Variants in MYH13 observed in about 807,000 individuals in gnomAD.
MYH13 encodes myosin-13.
MYH13 carries 177 observed loss-of-function variants against 232.1 expected under a neutral mutation model. The ratio of observed to expected loss-of-function variants is 0.76; its 90% confidence interval spans 0.67 to 0.86. The LOEUF (loss-of-function observed/expected upper bound fraction) is 0.86. Among genes scored for constraint, MYH13 ranks in the 40% least tolerant of loss-of-function variants. The pLI is 0.00. For synonymous variants in MYH13, 884 were observed against 923.5 expected (o/e 0.96, Z 0.78); for missense variants, 2,246 against 2,405.9 (o/e 0.93, Z 1.39).
At position 10,315,802 on chromosome 17, in the gene MYH13, C is replaced by A; in HGVS notation, c.3875G>T (p.Ser1292Ile). Residue 1292 changes from serine (S) to isoleucine (I), a missense_variant, in exon 29 of 41, where the codon AGC becomes ATC. Coordinates refer to ENST00000252172, the MANE Select transcript of MYH13 (RefSeq NM_003802.3). ...ARLQTQNGELSHRVEEKESLI... is the reference protein window; with the variant it reads ...ARLQTQNGELIHRVEEKESLI... ...AGACTCCTTCTCTTCCACTCGGTGG[C>A]TCAGCTCCCCTACCAAACAGATGTG... 1 of 1,613,988 alleles carries A rather than the reference C, an allele frequency of 6.2e-7. No individual in the cohort carries two copies. Among genetic ancestry groups the A allele is most frequent in the Non-Finnish European group, 8.5e-7 (1 of 1,179,906 alleles).
chr17:10,354,613 A>C (rs1476070781), intron 11 of MYH13, 67 bp downstream of exon 11: 1 of 1,416,840 alleles, frequency 7.1e-7, no homozygotes, highest in East Asian at 2.3e-5. Context: ...TTAGCTCACT[A>C]ACGTGTCTCT....
intron 12 of MYH13, among the ~76,000 whole-genome samples, chr17:10,348,011 C>T (rs2071680346): frequency 6.6e-6 from 1 of 151,964 alleles, no homozygotes; most frequent in Non-Finnish European, 1.5e-5. Flanking sequence ...TTGCCCAGCC[C>T]CCAGGGATAA....
intron 16 of MYH13, among the ~76,000 whole-genome samples, chr17:10,342,558 G>A (rs762185701): frequency 1.2e-4 from 18 of 152,158 alleles, no homozygotes; most frequent in Middle Eastern, 3.4e-3. Context: ...AAAGTTCATC[G>A]GCTGATGAAT....
intron 5 of MYH13, among the ~76,000 whole-genome samples, chr17:10,360,975 C>T (rs1182936951): frequency 6.6e-6 from 1 of 152,170 alleles, no homozygotes; most frequent in Non-Finnish European, 1.5e-5. Context: ...GCCAGATTCT[C>T]TCTCAGCGTC....
chr17:10,336,013 G>A (rs1291211202), intron 18 of MYH13, among the ~76,000 whole-genome samples: 5 of 152,148 alleles, frequency 3.3e-5, no homozygotes, highest in Admixed American at 6.5e-5. Context: ...GGTCGTGTCC[G>A]ACTTGGACTG....
At position 10,301,574 on chromosome 17, in the gene MYH13, T is replaced by A; in HGVS notation, c.5797A>T (p.Ser1933Cys). ...TCTCAGGTACCTGCTCTTACCTGGC[T>A]GCCCACGTCTCGGCTCTTGGCCCTC... The part of the protein sequence containing the change: ...KLRAKSRDVG[S>C]QKMEE The change falls in exon 40 of 41, where the codon AGC becomes TGC. Residue 1933 changes from serine to cysteine, a missense_variant. Physicochemically the swap from Ser to Cys is moderately radical, Grantham distance 112. Transcript: ENST00000252172. 6.2e-7 allele frequency: 1 copy of A among 1,614,196 alleles called. No individual in the cohort carries two copies. Among genetic ancestry groups the A allele is most frequent in the Non-Finnish European group, 8.5e-7 (1 of 1,180,028 alleles).
intron 39 of MYH13, 107 bp from the exon 40 acceptor site, chr17:10,301,810 T>C (rs1469809915): frequency 1.4e-6 from 2 of 1,419,820 alleles, no homozygotes; most frequent in Non-Finnish European, 1.9e-6. Flanking sequence ...GGGCCCTGGA[T>C]TCCCTGATGG....
chr17:10,333,778 C>A (rs946134002), intron 18 of MYH13, among the ~76,000 whole-genome samples: 3 of 152,032 alleles, frequency 2.0e-5, no homozygotes, highest in African/African-American at 7.2e-5. Context: ...TGTGGTGGCA[C>A]ACACTTGTAA....
In MYH13 at chr17:10,327,967, T is replaced by G; in HGVS notation, c.2590A>C (p.Lys864Gln). The G allele has an allele frequency of 6.2e-7, 1 of 1,614,134 alleles. No homozygotes were observed. Residue 864 changes from lysine (K) to glutamine (Q), a missense_variant, in exon 22 of 41, where the codon AAG becomes CAG. By Grantham distance (53) the Lys-to-Gln change is moderately conservative. Coordinates refer to ENST00000252172, the MANE Select transcript of MYH13 (RefSeq NM_003802.3). Reference protein sequence around the residue: ...ATMKEDFERTKEELARSEARR... With the variant: ...ATMKEDFERTQEELARSEARR... The stretch of plus-strand genomic sequence containing the variant: ...GCCTCAGATCGGGCCAGTTCTTCCT[T>G]GGTCCTCTCAAAGTCTTCCTTCATG...
chr17:10,352,388 A>G (rs2071716773), intron 11 of MYH13, among the ~76,000 whole-genome samples: 1 of 152,118 alleles, frequency 6.6e-6, no homozygotes, highest in East Asian at 1.9e-4. Context: ...CTAGGAGTTC[A>G]AGACCAGCCT....
intron 27 of MYH13, among the ~76,000 whole-genome samples, chr17:10,318,164 C>T (rs112737390): frequency 4.6e-5 from 7 of 152,312 alleles, no homozygotes; most frequent in African/African-American, 1.4e-4. Flanking sequence ...ATTGCTTGAA[C>T]CTGGGAGGTA....
chr17:10,357,813 A>G lies in MYH13; in HGVS notation c.660T>C (p.Asp220=). 1 of 1,613,688 alleles carries G rather than the reference A, an allele frequency of 6.2e-7. No individual in the cohort carries two copies. ...GCAGTGGGTTGGCCTGGATGATCTG[A>G]TCCTCTAGGGTTCCCTAATAATAAA... ...QPGKMQGTLE[D]QIIQANPLLE... The change falls in exon 8 of 41, where the codon GAT becomes GAC. Residue 220 remains aspartate, a synonymous_variant. Coordinates refer to ENST00000252172, the MANE Select transcript of MYH13 (RefSeq NM_003802.3).
Position 10,304,872 on chromosome 17 carries a change from G to A in MYH13, c.5467-1374C>T, listed in dbSNP as rs376392156. On this transcript the variant is annotated intron_variant, in intron 37 of 40. Coordinates refer to ENST00000252172, the MANE Select transcript of MYH13 (RefSeq NM_003802.3). This position sits in a 1 kb window ranked among gnomAD's most constrained non-coding sequence, Gnocchi z 5.3. ...CTGAGGACATAAGTCACCAACTGTG[G>A]TCCCAACTCCACAATCCAGAGATTG... 4.6e-5 allele frequency among the ~76,000 whole-genome samples: 7 copies of A among 152,316 alleles called. No individual in the cohort carries two copies. The highest frequency in any genetic ancestry group is 2.1e-4 in the South Asian group (1 of 4,824).
rs747686849 is a variant in MYH13, at chr17:10,340,245, A to G, written c.1969-8T>C. On this transcript the variant is annotated splice_region_variant and splice_polypyrimidine_tract_variant and intron_variant, in intron 17 of 40. Transcript: ENST00000252172. Reference sequence around the variant, plus strand: ...CAATTTGTTTAAATTTTCCTGGGACATAAACCAAAACAAGCACATTTAGCA... The same window carrying G: ...CAATTTGTTTAAATTTTCCTGGGACGTAAACCAAAACAAGCACATTTAGCA... The G allele has an allele frequency of 1.7e-5, 27 of 1,613,822 alleles. No individual in the cohort carries two copies. Among genetic ancestry groups the G allele is most frequent in the Non-Finnish European group, 2.2e-5 (26 of 1,179,810 alleles).
chr17:10,360,225 A>T lies in MYH13; in HGVS notation c.506-37T>A, dbSNP rs780629960. 6 of 1,602,932 alleles carry T rather than the reference A, an allele frequency of 3.7e-6. No homozygotes were observed. The East Asian group carries it at 1.3e-4, about 36-fold the overall frequency. ...GAGGGAAGCAAAACAAAACAAATAA[A>T]CAACAAACAGAATGTTAAAATAAAG... On this transcript the variant is annotated intron_variant, in intron 5 of 40. Transcript: ENST00000252172.
chr17:10,372,577 T>C (rs1269584170), intron 1 of MYH13, among the ~76,000 whole-genome samples: 3 of 152,174 alleles, frequency 2.0e-5, no homozygotes, highest in Admixed American at 2.0e-4. Context: ...AATCCTGACA[T>C]GGGAAACAAA....
At position 10,350,623 on chromosome 17, in the gene MYH13, C is replaced by T. The variant is rs749917953; in HGVS notation, c.1077G>A (p.Met359Ile). 10 of 1,613,714 alleles carry T rather than the reference C, an allele frequency of 6.2e-6. No homozygotes were observed. Among genetic ancestry groups the T allele is most frequent in the Non-Finnish European group, 8.5e-6 (10 of 1,179,990 alleles). The change falls in exon 12 of 41, where the codon ATG becomes ATA. Residue 359 changes from methionine to isoleucine, a missense_variant. Physicochemically the swap from Met to Ile is conservative, Grantham distance 10 (BLOSUM62 1). Coordinates refer to ENST00000252172, the MANE Select transcript of MYH13 (RefSeq NM_003802.3). ...VGIYKLTGAV[M>I]HYGNMKFKQK... is the part of the protein sequence containing the mutation. The stretch of plus-strand genomic sequence containing the variant: ...GCTTGAACTTCATGTTCCCATAATG[C>T]ATCACGGCTCCCGTCAGTTTGTAGA...
intron 16 of MYH13, among the ~76,000 whole-genome samples, chr17:10,340,635 C>A (rs2071613734): frequency 6.6e-6 from 1 of 152,158 alleles, no homozygotes; most frequent in African/African-American, 2.4e-5. Context: ...TCTCTTGCCT[C>A]AGCCTCCCAA....
In MYH13 at chr17:10,329,997, C is replaced by CT. The variant is rs141140887; in HGVS notation, c.2435+389dup. Among the ~76,000 whole-genome samples, 364 of 143,812 alleles carry CT rather than the reference C, an allele frequency of 2.5e-3. 15 individuals carry two copies. The East Asian group carries it at 0.056, about 22-fold the overall frequency. 94.3% of individuals were successfully genotyped at this position (143,812 alleles called of 152,430 possible). ...CCTGGATGACAGAGCAAGACTCTGT[C>CT]TAAAAAAAAAAAAAAAGGAAAAAAG... is the stretch of plus-strand genomic sequence containing the variant. On this transcript the variant is annotated intron_variant, in intron 21 of 40. Transcript: ENST00000252172.
Sources: allele counts gnomAD v4.1 joint callset (sites outside exome capture counted in the v4.1 genomes callset), GRCh38; gene constraint gnomAD v4.1.1; non-coding constraint Gnocchi (gnomAD v3.1); transcripts MANE v1.5; gene names NCBI Gene and HGNC (gene_info 2026-07-23, HGNC 2026-07-21).